VTI1A: variants seen among roughly 807,000 people sequenced by gnomAD.
VTI1A encodes vesicle transport through interaction with t-SNAREs homolog 1A.
In VTI1A, 22 loss-of-function variants were observed where a neutral mutation model predicts 34.9. The observed-to-expected ratio is 0.63, with a 90% CI of 0.45 to 0.90. The LOEUF (loss-of-function observed/expected upper bound fraction) is 0.90, where lower values mean the gene tolerates loss of function less well. Ranked by LOEUF, VTI1A falls within the 40% of genes least tolerant of loss-of-function variation. The probability of loss-of-function intolerance (pLI) is 0.00; values close to 1 mark genes in which losing one functional copy is unlikely to be tolerated. For missense variants in VTI1A, 268 were observed against 275.6 expected (o/e 0.97, Z 0.20); for synonymous variants, 87 against 97.3 (o/e 0.89, Z 0.62).
chr10:112,618,524 T>TATATATATATATATATAGAGAGAG (rs748276058), intron 5 of VTI1A, among the ~76,000 whole-genome samples: 3 of 34,584 alleles, frequency 8.7e-5, no homozygotes, highest in African/African-American at 1.6e-4. Flanking sequence ...TATATATATA[T>TATATATATATATATATAGAGAGAG]AGAGAGAGAG....
chr10:112,507,449 C>T (rs1197666483), intron 3 of VTI1A, among the ~76,000 whole-genome samples: 1 of 152,160 alleles, frequency 6.6e-6, no homozygotes, highest in African/African-American at 2.4e-5. Context: ...CTGAATGCGT[C>T]AGAATATTTT....
intron 7 of VTI1A, among the ~76,000 whole-genome samples, chr10:112,696,635 A>T (rs1441522978): frequency 1.3e-5 from 2 of 152,160 alleles, no homozygotes; most frequent in African/African-American, 4.8e-5. Flanking sequence ...ACTTTCCTCT[A>T]TTATTTCCTT....
chr10:112,628,698 C>T (rs922612165), intron 5 of VTI1A, among the ~76,000 whole-genome samples: 1 of 152,084 alleles, frequency 6.6e-6, no homozygotes, highest in Non-Finnish European at 1.5e-5. Context: ...TTCAGTGTTG[C>T]TGCTTTACGG....
At chr10:112,684,544 T>C (rs528074418) in intron 7 of VTI1A, among the ~76,000 whole-genome samples, 2 of 151,278 alleles carry the variant, frequency 1.3e-5, no homozygotes, top group East Asian at 3.9e-4. Context: ...GTTCAAGAGA[T>C]TCTCCTGCCT....
At position 112,815,401 on chromosome 10, in the gene VTI1A, G is replaced by C. The variant is rs764486756; in HGVS notation, c.*18G>C. The C allele has an allele frequency of 1.4e-5, 23 of 1,598,980 alleles. No individual in the cohort carries two copies. The South Asian group carries it at 2.4e-4, about 17-fold the overall frequency. On this transcript the variant is annotated 3_prime_UTR_variant, in exon 8 of 8. Transcript: ENST00000393077. ...GACACTGATGTATCTGCTCTCCCTTGATAAACAGCAACAACAGCTTGTTCT... is the reference window on the plus strand; with the variant it reads ...GACACTGATGTATCTGCTCTCCCTTCATAAACAGCAACAACAGCTTGTTCT...
Position 112,817,172 on chromosome 10 carries a change from C to T in VTI1A, c.*1789C>T, listed in dbSNP as rs914403974. ...ACAACCCTTTTCTCATTCCGACACA[C>T]GAATAGTCATCGAGTATTACACCAG... On this transcript the variant is annotated 3_prime_UTR_variant, in exon 8 of 8. Coordinates refer to ENST00000393077, the MANE Select transcript of VTI1A (RefSeq NM_145206.4). 58 of 232,456 alleles carry T rather than the reference C, an allele frequency of 2.5e-4. No homozygotes were observed. The highest frequency in any genetic ancestry group is 6.7e-4 in the East Asian group (11 of 16,512). 14.4% of individuals were successfully genotyped at this position (232,456 alleles called of 1,614,324 possible).
rs554733045 is a variant in VTI1A at position 112,555,633 on chromosome 10, G to T, written c.427+17303G>T. Among the ~76,000 whole-genome samples the T allele has an allele frequency of 8.5e-5, 13 of 152,086 alleles. No homozygotes were observed. In the East Asian group the frequency reaches 1.9e-3, roughly 23 times the overall value. ...TGAGATCTTATATTGACCTTAGTAG[G>T]TGTTAACTTTTTAGATCAATAAAGA... On this transcript the variant is annotated intron_variant, in intron 5 of 7. Coordinates refer to ENST00000393077, the MANE Select transcript of VTI1A (RefSeq NM_145206.4).
At chr10:112,516,689 A>G (rs1849794178) in intron 3 of VTI1A, among the ~76,000 whole-genome samples, 2 of 152,130 alleles carry the variant, frequency 1.3e-5, no homozygotes, top group South Asian at 4.1e-4. Context: ...TGCATAAGAT[A>G]ACAAACATAC....
chr10:112,671,907 A>C lies in VTI1A; in HGVS notation c.560+2909A>C, dbSNP rs530022106. The C allele has an allele frequency of 3.9e-5, 6 of 152,180 alleles. No homozygotes were observed. In the South Asian group the frequency reaches 1.2e-3, roughly 32 times the overall value. 9.4% of individuals were successfully genotyped at this position (152,180 alleles called of 1,614,324 possible). ...CTTTCTTCTGCTTATTCATTTCCTT[A>C]GTAAATATTTAATGTCTGTATGCCA... On this transcript the variant is annotated intron_variant, in intron 7 of 7. Transcript: ENST00000393077.
intron 7 of VTI1A, among the ~76,000 whole-genome samples, chr10:112,700,076 C>T (rs137943173): frequency 0.019 from 2,734 of 142,952 alleles, 40 homozygotes; most frequent in Non-Finnish European, 0.027. Context: ...CAAGATCGTG[C>T]TACTGCACTC....
chr10:112,555,338 A>G (rs1851507342), intron 5 of VTI1A, among the ~76,000 whole-genome samples: 1 of 152,070 alleles, frequency 6.6e-6, no homozygotes, highest in Non-Finnish European at 1.5e-5. Flanking sequence ...GTAAAACATA[A>G]TTTTTACTTA....
intron 3 of VTI1A, among the ~76,000 whole-genome samples, chr10:112,511,443 C>T (rs1388742838): frequency 6.6e-6 from 1 of 152,034 alleles, no homozygotes; most frequent in African/African-American, 2.4e-5. Context: ...AGGGTTTCAC[C>T]ATGTTGGCCA....
chr10:112,497,222 G>A (rs1849058975), intron 3 of VTI1A, among the ~76,000 whole-genome samples: 2 of 152,046 alleles, frequency 1.3e-5, no homozygotes, highest in South Asian at 4.1e-4. Flanking sequence ...GGAGGCTGAG[G>A]CAGGCGAATC....
intron 5 of VTI1A, among the ~76,000 whole-genome samples, chr10:112,608,002 C>T (rs1446693773): frequency 3.3e-5 from 5 of 152,140 alleles, no homozygotes; most frequent in African/African-American, 9.7e-5. Flanking sequence ...TCATCACTTC[C>T]GCAGTATTCT....
intron 7 of VTI1A, among the ~76,000 whole-genome samples, chr10:112,706,320 G>T (rs113352090): frequency 6.6e-6 from 1 of 152,140 alleles, no homozygotes; most frequent in Admixed American, 6.6e-5. Flanking sequence ...GAGTGGACAC[G>T]TTTAATTACT....
At chr10:112,795,094 C>A (rs1852623537) in intron 7 of VTI1A, among the ~76,000 whole-genome samples, 1 of 152,230 alleles carries the variant, frequency 6.6e-6, no homozygotes, top group South Asian at 2.1e-4. Flanking sequence ...AGTGACTCAC[C>A]TGGCATCATA....
intron 2 of VTI1A, among the ~76,000 whole-genome samples, chr10:112,462,103 G>GCCTC (rs1847747860): frequency 6.6e-6 from 1 of 152,238 alleles, no homozygotes; most frequent in South Asian, 2.1e-4. Flanking sequence ...ACCCACCTTG[G>GCCTC]CCTCCCAAAG....
chr10:112,502,951 A>C (rs991462826), intron 3 of VTI1A, among the ~76,000 whole-genome samples: 6 of 152,200 alleles, frequency 3.9e-5, no homozygotes, highest in African/African-American at 1.4e-4. Flanking sequence ...TTTAGGAACA[A>C]ACAAAGGGTT....
chr10:112,694,466 G>A (rs142369742), intron 7 of VTI1A, among the ~76,000 whole-genome samples: 1 of 152,092 alleles, frequency 6.6e-6, no homozygotes, highest in East Asian at 1.9e-4. Flanking sequence ...TTTACATGAA[G>A]CTTGCTGACT....
Sources: gnomAD v4.1 joint callset for allele counts (sites outside exome capture counted in the v4.1 genomes callset) on GRCh38, gnomAD v4.1.1 for gene constraint, MANE v1.5 for transcripts, NCBI Gene and HGNC (gene_info 2026-07-23, HGNC 2026-07-21) for gene names.